The following ADRA1A variants were observed in gnomAD, a reference collection of about 807,000 sequenced individuals.
ADRA1A encodes the protein adrenoceptor alpha 1A.
In ADRA1A, 31 loss-of-function variants were observed where a neutral mutation model predicts 29.6. The observed-to-expected ratio is 1.05, with a 90% CI of 0.79 to 1.41. The LOEUF is 1.41. ADRA1A is among the 40% of genes most tolerant of loss of function. The pLI, the probability that ADRA1A is intolerant of heterozygous loss-of-function variation, is 0.00. For missense variants in ADRA1A, 619 were observed against 601.1 expected (o/e 1.03, Z -0.31); for synonymous variants, 311 against 254.3 (o/e 1.22, Z -2.12).
At position 26,860,837 on chromosome 8, in the gene ADRA1A, C is replaced by T. The variant is rs1813396700; in HGVS notation, c.883+3250G>A. Among the ~76,000 whole-genome samples the T allele has an allele frequency of 6.6e-6, 1 of 152,094 alleles. No individual in the cohort carries two copies. The highest frequency in any genetic ancestry group is 2.4e-5 in the African/African-American group (1 of 41,398). On this transcript the variant is annotated intron_variant, in intron 2 of 2. Transcript: ENST00000380573. The surrounding 1 kb of genome is among the most constrained non-coding windows in gnomAD (Gnocchi z 4.7). ...CAGTGCCTCTCTCTATCCCATCGTTCCCATCAGAATATAAATATCATGTCA... is the reference window on the plus strand; with the variant it reads ...CAGTGCCTCTCTCTATCCCATCGTTTCCATCAGAATATAAATATCATGTCA...
At chr8:26,847,201 C>T (rs1356762682) in intron 2 of ADRA1A, among the ~76,000 whole-genome samples, 1 of 150,748 alleles carries the variant, frequency 6.6e-6, no homozygotes, top group Admixed American at 6.6e-5. Flanking sequence ...CACATGTACC[C>T]TAAAACTTAA....
At chr8:26,847,092 A>G (rs547549475) in intron 2 of ADRA1A, among the ~76,000 whole-genome samples, 1 of 152,268 alleles carries the variant, frequency 6.6e-6, no homozygotes, top group East Asian at 1.9e-4. Flanking sequence ...ACAGGGAGGG[A>G]TAGCATTGGG....
chr8:26,793,133 A>G (rs941899961), intron 2 of ADRA1A, among the ~76,000 whole-genome samples: 1 of 151,996 alleles, frequency 6.6e-6, no homozygotes, highest in Non-Finnish European at 1.5e-5. Context: ...TTTTAGGTTG[A>G]TAAAAGTCAT....
chr8:26,846,935 T>A (rs966395063), intron 2 of ADRA1A, among the ~76,000 whole-genome samples: 2 of 152,086 alleles, frequency 1.3e-5, no homozygotes, highest in Non-Finnish European at 2.9e-5. Context: ...TGGATGAAAT[T>A]GGAAATCATC....
chr8:26,760,567 T>TA (rs1805454597), intron 2 of ADRA1A, among the ~76,000 whole-genome samples: 1 of 152,208 alleles, frequency 6.6e-6, no homozygotes, highest in Non-Finnish European at 1.5e-5. Flanking sequence ...AGCACTGACA[T>TA]ACCCTTAACC....
chr8:26,794,688 A>G (rs576736562), intron 2 of ADRA1A, among the ~76,000 whole-genome samples: 3 of 152,204 alleles, frequency 2.0e-5, no homozygotes, highest in Admixed American at 1.3e-4. Flanking sequence ...ATGTGGCCAT[A>G]CCAAAAAAAA....
downstream of ADRA1A, among the ~76,000 whole-genome samples, chr8:26,766,989 T>A (rs1805827544): frequency 6.6e-6 from 1 of 152,148 alleles, no homozygotes; most frequent in Non-Finnish European, 1.5e-5. Flanking sequence ...GGATAAGACA[T>A]GAGAGAGGCA....
Position 26,865,113 on chromosome 8 carries a change from G to A in ADRA1A, c.-144C>T. 2 of 1,476,970 alleles carry A rather than the reference G, an allele frequency of 1.4e-6. No individual in the cohort carries two copies. 91.5% of individuals were successfully genotyped at this position (1,476,970 alleles called of 1,614,324 possible). The stretch of plus-strand genomic sequence containing the variant: ...TGGGTTTGGCTGGGGGTGAGAGCGC[G>A]CGCGCGGGTGGGAAACAACCCTGGC... On this transcript the variant is annotated 5_prime_UTR_variant, in exon 2 of 3. Transcript: ENST00000380573. The surrounding 1 kb of genome is among the most constrained non-coding windows in gnomAD (Gnocchi z 7.6).
chr8:26,858,957 G>A, intron 2 of ADRA1A: 1 of 1,001,646 alleles, frequency 1.0e-6, no homozygotes, highest in Middle Eastern at 2.6e-4. Flanking sequence ...TTAGTGGAAA[G>A]AAGCTTGGGA....
At chr8:26,765,292 G>A (rs1805714828), downstream of ADRA1A, among the ~76,000 whole-genome samples, 1 of 152,236 alleles carries the variant, frequency 6.6e-6, no homozygotes, top group Admixed American at 6.5e-5. Flanking sequence ...TGGGTCTGGG[G>A]AGCGTGAATG....
rs1336232232 is a variant in ADRA1A at position 26,825,144 on chromosome 8, C to T, written c.883+38943G>A. On this transcript the variant is annotated intron_variant, in intron 2 of 2. Coordinates refer to ENST00000380573, the MANE Select transcript of ADRA1A (RefSeq NM_000680.4). The surrounding 1 kb of genome is among the most constrained non-coding windows in gnomAD (Gnocchi z 5.7). ...GCATGCTCCAGAGAGACCCCCAGCC[C>T]CCACATGTCCCACCCTGAGCTTGCT... Among the ~76,000 whole-genome samples, 1 of 152,186 alleles carries T rather than the reference C, an allele frequency of 6.6e-6. No individual in the cohort carries two copies. Among genetic ancestry groups the T allele is most frequent in the African/African-American group, 2.4e-5 (1 of 41,444 alleles).
intron 2 of ADRA1A, among the ~76,000 whole-genome samples, chr8:26,859,924 T>G (rs1481000726): frequency 3.3e-5 from 5 of 152,010 alleles, no homozygotes; most frequent in African/African-American, 1.2e-4. Context: ...TGCACCACCA[T>G]GCCCAGCTAA....
intron 2 of ADRA1A, among the ~76,000 whole-genome samples, chr8:26,802,094 G>T (rs12681864): frequency 6.6e-6 from 1 of 151,912 alleles, no homozygotes; most frequent in Non-Finnish European, 1.5e-5. Flanking sequence ...AAAATCAAAT[G>T]AAAGTTGATT....
At chr8:26,777,571 T>G (rs1480609417) in intron 2 of ADRA1A, among the ~76,000 whole-genome samples, 1 of 152,222 alleles carries the variant, frequency 6.6e-6, no homozygotes, top group Non-Finnish European at 1.5e-5. Context: ...CCTATTTAAC[T>G]GGGGCCTGAA....
In ADRA1A at chr8:26,748,707, CAT is replaced by C; in HGVS notation, c.1309_1310del (p.Met437AspfsTer63). 2.7e-6 allele frequency: 1 copy of C among 369,072 alleles called. No homozygotes were observed. Among genetic ancestry groups the C allele is most frequent in the Non-Finnish European group, 5.2e-6 (1 of 193,958 alleles). The allele number at this position is 369,072 out of a possible 1,614,324, so 22.9% of individuals were successfully genotyped here. On this transcript the variant is annotated frameshift_variant, in exon 3 of 3. Coordinates refer to the ADRA1A transcript ENST00000380586. LOFTEE classifies it high-confidence loss of function. The stretch of plus-strand genomic sequence containing the variant: ...GGCGGAGGTTGCAGTGAGCCAAGAT[CAT>C]GCCACTGCACTCCAGCCTGGTGACA...
chr8:26,837,683 G>A (rs1368487402), intron 2 of ADRA1A, among the ~76,000 whole-genome samples: 2 of 151,092 alleles, frequency 1.3e-5, no homozygotes, highest in Non-Finnish European at 2.9e-5. Flanking sequence ...GTAGCCATTG[G>A]GCTAGATAGC....
intron 2 of ADRA1A, among the ~76,000 whole-genome samples, chr8:26,820,544 C>T (rs968935544): frequency 6.6e-6 from 1 of 152,214 alleles, no homozygotes; most frequent in Non-Finnish European, 1.5e-5. Context: ...TACAGCCATT[C>T]TCTTCTCAGT....
downstream of ADRA1A, among the ~76,000 whole-genome samples, chr8:26,754,833 G>T (rs763320260): frequency 2.6e-5 from 4 of 151,922 alleles, no homozygotes; most frequent in African/African-American, 4.8e-5. Context: ...TTTCCCCCCT[G>T]CCCCACCTCT....
At chr8:26,840,085 T>C (rs931400147) in intron 2 of ADRA1A, among the ~76,000 whole-genome samples, 2 of 152,254 alleles carry the variant, frequency 1.3e-5, no homozygotes, top group Admixed American at 6.5e-5. Context: ...TGAATCTATG[T>C]TGTAACCCTT....
Sources: gnomAD v4.1 joint callset for allele counts (sites outside exome capture counted in the v4.1 genomes callset) on GRCh38, gnomAD v4.1.1 for gene constraint, Gnocchi (gnomAD v3.1) non-coding constraint, MANE v1.5 for transcripts, NCBI Gene and HGNC (gene_info 2026-07-23, HGNC 2026-07-21) for gene names.